The following SND1 variants were observed in gnomAD, a reference collection of about 807,000 sequenced individuals.
SND1 encodes the protein staphylococcal nuclease domain-containing protein 1.
Under a neutral mutation model 121.7 loss-of-function variants are expected in SND1, and 38 were observed. That is an observed-to-expected ratio of 0.31 (90% CI 0.24 to 0.41). The LOEUF (loss-of-function observed/expected upper bound fraction) is 0.41, where lower values mean the gene tolerates loss of function less well. SND1 is among the 10% of genes least tolerant of loss of function. The probability of loss-of-function intolerance (pLI) is 1.00; values close to 1 mark genes in which losing one functional copy is unlikely to be tolerated. For missense variants in SND1, 868 were observed against 1,184.6 expected (o/e 0.73, Z 3.92); for synonymous variants, 401 against 447.4 (o/e 0.90, Z 1.31).
intron 15 of SND1, among the ~76,000 whole-genome samples, chr7:127,953,855 G>T (rs994829332): frequency 6.6e-6 from 1 of 151,956 alleles, no homozygotes; most frequent in African/African-American, 2.4e-5. Flanking sequence ...GCCTTTTCAC[G>T]GTTCCTCTTC....
chr7:127,986,552 C>G (rs988165210), intron 15 of SND1, among the ~76,000 whole-genome samples: 2 of 152,240 alleles, frequency 1.3e-5, no homozygotes, highest in African/African-American at 4.8e-5. Flanking sequence ...CTAAACTATA[C>G]AGAGTCAGGC....
chr7:127,693,066 A>G (rs1225435882), intron 2 of SND1, among the ~76,000 whole-genome samples: 4 of 152,206 alleles, frequency 2.6e-5, no homozygotes, highest in Non-Finnish European at 5.9e-5. Context: ...ATGTTACTGA[A>G]TTTTAAATAT....
intron 16 of SND1, among the ~76,000 whole-genome samples, chr7:128,058,555 G>T (rs1470965207): frequency 6.6e-6 from 1 of 152,216 alleles, no homozygotes; most frequent in Non-Finnish European, 1.5e-5. Flanking sequence ...ACTAGAGGCA[G>T]GTAGGTGAAG....
At chr7:127,721,100 AG>A (rs1373070267) in intron 9 of SND1, among the ~76,000 whole-genome samples, 186 bp from the exon 10 acceptor site, 1 of 152,174 alleles carries the variant, frequency 6.6e-6, no homozygotes, top group Non-Finnish European at 1.5e-5. Flanking sequence ...AATCATAATA[AG>A]GTCTCTGGGA....
At chr7:127,741,535 G>A (rs988033333) in intron 10 of SND1, among the ~76,000 whole-genome samples, 2 of 152,096 alleles carry the variant, frequency 1.3e-5, no homozygotes, top group Non-Finnish European at 2.9e-5. Flanking sequence ...TGTACCGCAG[G>A]TGACTCTAAT....
intron 10 of SND1, among the ~76,000 whole-genome samples, chr7:127,742,870 G>A (rs1796910210): frequency 6.6e-6 from 1 of 152,160 alleles, no homozygotes; most frequent in South Asian, 2.1e-4. Context: ...CCCAAGTGGT[G>A]TGGGCATTCA....
intron 13 of SND1, among the ~76,000 whole-genome samples, chr7:127,897,584 C>T (rs117266686): frequency 3.0e-3 from 450 of 152,204 alleles, no homozygotes; most frequent in Non-Finnish European, 3.8e-3. Context: ...CAAGAGAAGG[C>T]ATGTTCTGTT....
intron 16 of SND1, among the ~76,000 whole-genome samples, chr7:127,997,095 A>G (rs2116925826): frequency 6.6e-6 from 1 of 152,360 alleles, no homozygotes; most frequent in Admixed American, 6.5e-5. Context: ...TATAAGAAAA[A>G]TATTAACCCT....
At chr7:127,908,353 TGTGTGTGC>T (rs1195166250) in intron 14 of SND1, among the ~76,000 whole-genome samples, 4 of 147,988 alleles carry the variant, frequency 2.7e-5, no homozygotes, top group African/African-American at 9.9e-5. Context: ...TGTGTGTGTG[TGTGTGTGC>T]GTGCGTGTTG....
intron 15 of SND1, among the ~76,000 whole-genome samples, chr7:127,971,455 G>A (rs1801984413): frequency 6.6e-6 from 1 of 152,230 alleles, no homozygotes; most frequent in Non-Finnish European, 1.5e-5. Flanking sequence ...TCTGTGCAAG[G>A]TTGTTTAGAT....
intron 4 of SND1, among the ~76,000 whole-genome samples, chr7:127,700,182 A>C (rs1303094756): frequency 6.6e-6 from 1 of 152,228 alleles, no homozygotes; most frequent in Non-Finnish European, 1.5e-5. Flanking sequence ...TCAACAAATA[A>C]ATCTCCCCTG....
At chr7:128,071,364 A>G (rs1008192615) in intron 16 of SND1, among the ~76,000 whole-genome samples, 1 of 152,266 alleles carries the variant, frequency 6.6e-6, no homozygotes, top group Admixed American at 6.5e-5. Flanking sequence ...CAATGGTTCA[A>G]TATTTGCAAA....
chr7:127,838,191 G>A (rs1798901014), intron 11 of SND1, among the ~76,000 whole-genome samples: 1 of 152,112 alleles, frequency 6.6e-6, no homozygotes, highest in South Asian at 2.1e-4. Flanking sequence ...AGGTGACCAG[G>A]GGAACAGATG....
At position 127,675,831 on chromosome 7, in the gene SND1, A is replaced by G. The variant is rs545218166; in HGVS notation, c.79-10782A>G. 5.3e-5 allele frequency among the ~76,000 whole-genome samples: 8 copies of G among 152,296 alleles called. No homozygotes were observed. In the East Asian group the frequency reaches 1.5e-3, roughly 29 times the overall value. On this transcript the variant is annotated intron_variant, in intron 1 of 23. Coordinates refer to ENST00000354725, the MANE Select transcript of SND1 (RefSeq NM_014390.4). Reference sequence around the variant, plus strand: ...AAATGACACTTCACATTTGTCTGCTATGTGCGGTTAGTTCTTCCTGAGTTG... The same window carrying G: ...AAATGACACTTCACATTTGTCTGCTGTGTGCGGTTAGTTCTTCCTGAGTTG...
chr7:127,946,481 G>T (rs1428556981), intron 15 of SND1, among the ~76,000 whole-genome samples: 1 of 152,198 alleles, frequency 6.6e-6, no homozygotes, highest in Non-Finnish European at 1.5e-5. Flanking sequence ...AGCTTAGAGA[G>T]TGCAAGTTAG....
chr7:127,805,048 G>A (rs956024607), intron 10 of SND1, among the ~76,000 whole-genome samples: 1 of 152,116 alleles, frequency 6.6e-6, no homozygotes, highest in Non-Finnish European at 1.5e-5. Flanking sequence ...GTATGATTGA[G>A]CGCCATCACC....
chr7:127,822,863 G>A (rs1331016899), intron 11 of SND1, among the ~76,000 whole-genome samples: 1 of 152,146 alleles, frequency 6.6e-6, no homozygotes, highest in Non-Finnish European at 1.5e-5. Context: ...ATTTGTAGTG[G>A]TTTAGTGTAT....
Position 127,652,852 on chromosome 7 carries a change from G to T in SND1, c.78+401G>T, listed in dbSNP as rs567798911. Among the ~76,000 whole-genome samples, 4 of 152,250 alleles carry T rather than the reference G, an allele frequency of 2.6e-5. No individual in the cohort carries two copies. In the South Asian group the frequency reaches 8.3e-4, roughly 32 times the overall value. ...TCCTGACATCGGCTCTTCTCTACTA[G>T]TACTTGGCCATCATGAAACTTTTCT... On this transcript the variant is annotated intron_variant, in intron 1 of 23. Coordinates refer to ENST00000354725, the MANE Select transcript of SND1 (RefSeq NM_014390.4).
intron 15 of SND1, among the ~76,000 whole-genome samples, chr7:127,969,293 A>G (rs1801924590): frequency 6.6e-6 from 1 of 152,188 alleles, no homozygotes; most frequent in African/African-American, 2.4e-5. Flanking sequence ...AGAACCAGCT[A>G]GCCCGCTTTC....
Sources: allele counts gnomAD v4.1 joint callset (sites outside exome capture counted in the v4.1 genomes callset), GRCh38; gene constraint gnomAD v4.1.1; transcripts MANE v1.5; gene names NCBI Gene and HGNC (gene_info 2026-07-23, HGNC 2026-07-21).